The following FAM13A variants were observed in gnomAD, a reference collection of about 807,000 sequenced individuals.
FAM13A encodes family with sequence similarity 13 member A, also known as protein FAM13A.
FAM13A carries 76 observed loss-of-function variants against 129.6 expected under a neutral mutation model. The ratio of observed to expected loss-of-function variants is 0.59; its 90% CI spans 0.49 to 0.71. FAM13A has a LOEUF of 0.71. Among genes scored for constraint, FAM13A ranks in the 30% least tolerant of loss-of-function variants. The probability of loss-of-function intolerance (pLI) is 0.00; values close to 1 mark genes in which losing one functional copy is unlikely to be tolerated. For missense variants in FAM13A, 1,108 were observed against 1,249.3 expected (o/e 0.89, Z 1.70); for synonymous variants, 443 against 449.9 (o/e 0.98, Z 0.20).
At chr4:88,770,320 A>G (rs757345733) in intron 11 of FAM13A, among the ~76,000 whole-genome samples, 4 of 152,296 alleles carry the variant, frequency 2.6e-5, no homozygotes, top group Non-Finnish European at 5.9e-5. Flanking sequence ...CCCATTGGTA[A>G]TCTTCAACAG....
intron 8 of FAM13A, 114 bp from the exon 9 acceptor site, chr4:88,790,741 C>A: frequency 1.2e-6 from 1 of 822,418 alleles, no homozygotes; most frequent in Non-Finnish European, 2.0e-6. Context: ...CAAGTGATCC[C>A]CAAAACAATG....
chr4:88,860,005 T>C (rs1326790706), intron 6 of FAM13A, among the ~76,000 whole-genome samples: 1 of 152,198 alleles, frequency 6.6e-6, no homozygotes, highest in Non-Finnish European at 1.5e-5. Context: ...TTGTTGCTTC[T>C]TTCCCCCTCC....
At chr4:88,831,385 G>A (rs2149882739) in intron 7 of FAM13A, among the ~76,000 whole-genome samples, 1 of 152,206 alleles carries the variant, frequency 6.6e-6, no homozygotes, top group East Asian at 1.9e-4. Flanking sequence ...GCTTTAGCAG[G>A]GCTTCCTTAG....
At chr4:89,032,039 G>T (rs567346758) in intron 1 of FAM13A, among the ~76,000 whole-genome samples, 24 of 151,868 alleles carry the variant, frequency 1.6e-4, no homozygotes, top group African/African-American at 5.8e-4. Context: ...CCAAAATGGT[G>T]AAACCCCATC....
chr4:88,817,861 G>T (rs1234879550), intron 7 of FAM13A, among the ~76,000 whole-genome samples: 1 of 152,142 alleles, frequency 6.6e-6, no homozygotes, highest in Non-Finnish European at 1.5e-5. Context: ...TTGCATTGAT[G>T]GAATTGAAAC....
At position 88,949,505 on chromosome 4, in the gene FAM13A, T is replaced by C. The variant is rs376478798; in HGVS notation, c.606-11264A>G. Among the ~76,000 whole-genome samples the C allele has an allele frequency of 3.3e-5, 5 of 152,332 alleles. No homozygotes were observed. In the East Asian group the frequency reaches 9.6e-4, roughly 29 times the overall value. ...CACTTGAGGCCAGGTTTAACAACCA[T>C]TTTAAAAGATGCAAAAGTTTCCAAA... On this transcript the variant is annotated intron_variant, in intron 4 of 23. Transcript: ENST00000264344.
intron 13 of FAM13A, among the ~76,000 whole-genome samples, chr4:88,761,805 C>T (rs964100201): frequency 2.6e-5 from 4 of 151,782 alleles, no homozygotes; most frequent in African/African-American, 9.7e-5. Context: ...GATACAAAGA[C>T]AAAACTTATT....
chr4:88,995,047 CTATG>C (rs1393404073), intron 3 of FAM13A, among the ~76,000 whole-genome samples: 5 of 151,002 alleles, frequency 3.3e-5, no homozygotes, highest in African/African-American at 7.4e-5. Flanking sequence ...TTGTTGCACA[CTATG>C]TATATTTGTT....
At chr4:88,805,692 A>G (rs1213565589) in intron 7 of FAM13A, among the ~76,000 whole-genome samples, 36 of 151,782 alleles carry the variant, frequency 2.4e-4, no homozygotes, top group Admixed American at 2.4e-3. Flanking sequence ...TTTAAGAGAC[A>G]TGGTCTCACT....
intron 3 of FAM13A, among the ~76,000 whole-genome samples, chr4:88,999,375 A>T (rs1359835903): frequency 6.6e-6 from 1 of 152,186 alleles, no homozygotes; most frequent in Non-Finnish European, 1.5e-5. Context: ...GCAGCTGAAG[A>T]ACTTATTTGT....
At chr4:88,976,102 T>C (rs530624360) in intron 4 of FAM13A, among the ~76,000 whole-genome samples, 1 of 152,330 alleles carries the variant, frequency 6.6e-6, no homozygotes, top group East Asian at 1.9e-4. Context: ...TGAAACCATG[T>C]TTGAAAGAAA....
At chr4:88,875,265 G>A (rs1742193244) in intron 6 of FAM13A, among the ~76,000 whole-genome samples, 1 of 152,054 alleles carries the variant, frequency 6.6e-6, no homozygotes, top group Non-Finnish European at 1.5e-5. Flanking sequence ...CAAAAGCAAT[G>A]GCCACAAAAG....
intron 4 of FAM13A, chr4:88,989,949 A>G (rs1485099441): frequency 6.6e-6 from 1 of 152,224 alleles, no homozygotes; most frequent in African/African-American, 2.4e-5. Flanking sequence ...AACAAATATA[A>G]GAAAAAATAT....
Position 88,816,260 on chromosome 4 carries a change from C to T in FAM13A, c.1008-11208G>A, listed in dbSNP as rs78453691. Among the ~76,000 whole-genome samples the T allele has an allele frequency of 7.8e-3, 1,186 of 152,124 alleles. 15 individuals carry two copies. The highest frequency in any genetic ancestry group is 0.027 in the African/African-American group (1,133 of 41,434). ...CTCAAGGTAAATATCAAATACTCCG[C>T]AATGTAAACAGAAGTAGTGTTCCAA... On this transcript the variant is annotated intron_variant, in intron 7 of 23. Coordinates refer to ENST00000264344, the MANE Select transcript of FAM13A (RefSeq NM_014883.4).
chr4:88,804,881 G>T, intron 8 of FAM13A, 130 bp downstream of exon 8: 2 of 650,114 alleles, frequency 3.1e-6, no homozygotes, highest in Non-Finnish European at 5.5e-6. Context: ...AAGGTGAAGA[G>T]CTCCAGCAAG....
intron 7 of FAM13A, among the ~76,000 whole-genome samples, chr4:88,820,197 G>A (rs547615725): frequency 6.6e-6 from 1 of 152,272 alleles, no homozygotes; most frequent in African/African-American, 2.4e-5. Context: ...GTAGACATTA[G>A]GGTACAAACA....
chr4:88,878,316 A>G (rs1239770666), intron 6 of FAM13A, among the ~76,000 whole-genome samples: 2 of 139,988 alleles, frequency 1.4e-5, no homozygotes, highest in Non-Finnish European at 3.1e-5. Flanking sequence ...AAAAAAAAAA[A>G]GAAATTTGGT....
At chr4:88,968,604 G>T (rs1039007879) in intron 4 of FAM13A, among the ~76,000 whole-genome samples, 12 of 152,004 alleles carry the variant, frequency 7.9e-5, no homozygotes, top group Non-Finnish European at 1.6e-4. Flanking sequence ...TAATAACAAG[G>T]GAATCATAGA....
At chr4:88,917,890 A>G (rs1750360555) in intron 5 of FAM13A, among the ~76,000 whole-genome samples, 1 of 152,188 alleles carries the variant, frequency 6.6e-6, no homozygotes, top group African/African-American at 2.4e-5. Context: ...GAGCTTCCAA[A>G]TATCAATCAG....
Sources: gnomAD v4.1 joint callset for allele counts (sites outside exome capture counted in the v4.1 genomes callset) on GRCh38, gnomAD v4.1.1 for gene constraint, MANE v1.5 for transcripts, NCBI Gene and HGNC (gene_info 2026-07-23, HGNC 2026-07-21) for gene names.